NXPH2: variants seen among roughly 807,000 people sequenced by gnomAD.
NXPH2 encodes the protein neurexophilin-2.
NXPH2 carries 5 observed loss-of-function variants against 19.8 expected under a neutral mutation model. The ratio of observed to expected loss-of-function variants is 0.25; its 90% CI spans 0.13 to 0.53. The LOEUF is 0.53. NXPH2 is among the 20% of genes least tolerant of loss of function. The probability of loss-of-function intolerance (pLI) is 0.96; values close to 1 mark genes in which losing one functional copy is unlikely to be tolerated. For missense variants in NXPH2, 289 were observed against 322.8 expected, an observed-to-expected ratio of 0.90 and a Z score of 0.80; for synonymous variants, 154 against 127.4, an observed-to-expected ratio of 1.21 and a Z score of -1.41.
At chr2:138,771,954 G>T (rs1682184797) in intron 1 of NXPH2, among the ~76,000 whole-genome samples, 1 of 152,078 alleles carries the variant, frequency 6.6e-6, no homozygotes. Context: ...GAAAAAGAGA[G>T]CAAAAGCCAT....
chr2:138,673,419 C>T (rs76260974), intron 1 of NXPH2, among the ~76,000 whole-genome samples: 2,772 of 152,108 alleles, frequency 0.018, 34 homozygotes, highest in Non-Finnish European at 0.029. Flanking sequence ...TGGGGGTACA[C>T]GTGAGTATTT....
At chr2:138,695,154 G>A (rs1680811254) in intron 1 of NXPH2, among the ~76,000 whole-genome samples, 1 of 152,070 alleles carries the variant, frequency 6.6e-6, no homozygotes, top group African/African-American at 2.4e-5. Flanking sequence ...ATCATTGCCT[G>A]GTGAGAAAAA....
chr2:138,753,725 T>C (rs1681860465), intron 1 of NXPH2, among the ~76,000 whole-genome samples: 1 of 152,298 alleles, frequency 6.6e-6, no homozygotes. Flanking sequence ...CTCCCCTTGA[T>C]ATCTGTAAAT....
chr2:138,759,754 G>A (rs970316975), intron 1 of NXPH2, among the ~76,000 whole-genome samples: 28 of 146,394 alleles, frequency 1.9e-4, no homozygotes, highest in Non-Finnish European at 3.4e-4. Flanking sequence ...TTTTGAGACG[G>A]AGTCTTGCTC....
chr2:138,727,557 T>C (rs1681378543), intron 1 of NXPH2, among the ~76,000 whole-genome samples: 1 of 151,946 alleles, frequency 6.6e-6, no homozygotes, highest in African/African-American at 2.4e-5. Context: ...TGGTGAGGTG[T>C]CTGTTAAGGT....
chr2:138,761,394 G>A (rs1407904409), intron 1 of NXPH2, among the ~76,000 whole-genome samples: 1 of 152,114 alleles, frequency 6.6e-6, no homozygotes, highest in African/African-American at 2.4e-5. Context: ...CAATAGTCAG[G>A]GGCCAGGACA....
intron 1 of NXPH2, among the ~76,000 whole-genome samples, chr2:138,683,180 T>C (rs1680602791): frequency 6.6e-6 from 1 of 152,168 alleles, no homozygotes; most frequent in Non-Finnish European, 1.5e-5. Context: ...GATAATCTAG[T>C]AGACTGAAAT....
At chr2:138,751,902 A>G (rs895075368) in intron 1 of NXPH2, among the ~76,000 whole-genome samples, 1 of 152,182 alleles carries the variant, frequency 6.6e-6, no homozygotes. Flanking sequence ...GAAGTGCTCA[A>G]TACTGAACTG....
chr2:138,693,907 C>T (rs1235397802), intron 1 of NXPH2, among the ~76,000 whole-genome samples: 3 of 152,098 alleles, frequency 2.0e-5, no homozygotes, highest in Admixed American at 6.6e-5. Context: ...CTGAAAAATT[C>T]CTGGGCAATC....
At chr2:138,716,426 C>T (rs1392263653) in intron 1 of NXPH2, among the ~76,000 whole-genome samples, 6 of 152,126 alleles carry the variant, frequency 3.9e-5, no homozygotes, top group Admixed American at 2.0e-4. Flanking sequence ...ATTGAGAACA[C>T]GGCCATCTGC....
chr2:138,764,949 A>G (rs142847321), intron 1 of NXPH2, among the ~76,000 whole-genome samples: 3 of 152,332 alleles, frequency 2.0e-5, no homozygotes, highest in African/African-American at 7.2e-5. Context: ...AAGTATTAAC[A>G]AAACATGTTT....
At chr2:138,751,508 T>A (rs1381755704) in intron 1 of NXPH2, among the ~76,000 whole-genome samples, 1 of 152,176 alleles carries the variant, frequency 6.6e-6, no homozygotes, top group African/African-American at 2.4e-5. Flanking sequence ...TTTATTTCCA[T>A]ATTGGCTGTG....
intron 1 of NXPH2, among the ~76,000 whole-genome samples, chr2:138,711,858 T>C (rs896382196): frequency 6.6e-6 from 1 of 152,254 alleles, no homozygotes; most frequent in Non-Finnish European, 1.5e-5. Context: ...AGTGTTTCCA[T>C]GATCACTCTA....
At chr2:138,738,793 G>A (rs1158606297) in intron 1 of NXPH2, among the ~76,000 whole-genome samples, 1 of 152,200 alleles carries the variant, frequency 6.6e-6, no homozygotes, top group Non-Finnish European at 1.5e-5. Flanking sequence ...CAGAAAATAT[G>A]TTATCGCTCA....
At chr2:138,722,863 T>C (rs954667127) in intron 1 of NXPH2, among the ~76,000 whole-genome samples, 2 of 152,240 alleles carry the variant, frequency 1.3e-5, no homozygotes, top group Non-Finnish European at 2.9e-5. Context: ...CCACCTTCCT[T>C]TGAGGTTCTT....
chr2:138,714,195 T>C lies in NXPH2; in HGVS notation c.52-42530A>G, dbSNP rs180780126. On this transcript the variant is annotated intron_variant, in intron 1 of 1. Transcript: ENST00000272641. Reference sequence around the variant, plus strand: ...TTCTAACTCTGCTTCTCTCTTGCTGTAGGTATGTGCGTACATAGGGGCAGA... The same window carrying C: ...TTCTAACTCTGCTTCTCTCTTGCTGCAGGTATGTGCGTACATAGGGGCAGA... Among the ~76,000 whole-genome samples the C allele has an allele frequency of 3.7e-3, 570 of 152,284 alleles. 4 individuals are homozygous for C. The highest frequency in any genetic ancestry group is 0.013 in the African/African-American group (544 of 41,558).
At chr2:138,699,800 C>G (rs1257118342) in intron 1 of NXPH2, among the ~76,000 whole-genome samples, 1 of 152,176 alleles carries the variant, frequency 6.6e-6, no homozygotes, top group Non-Finnish European at 1.5e-5. Context: ...TGCGAAAACA[C>G]GTTCATGCGT....
At chr2:138,701,859 G>A (rs1680928459) in intron 1 of NXPH2, among the ~76,000 whole-genome samples, 1 of 152,112 alleles carries the variant, frequency 6.6e-6, no homozygotes, top group Non-Finnish European at 1.5e-5. Context: ...CGCTTTGGTA[G>A]GTGGGAAGAC....
At chr2:138,699,492 C>T (rs1030765051) in intron 1 of NXPH2, among the ~76,000 whole-genome samples, 8 of 152,098 alleles carry the variant, frequency 5.3e-5, no homozygotes, top group African/African-American at 1.4e-4. Flanking sequence ...AAGACATTTC[C>T]CTCTGGCTTC....
Sources: allele counts gnomAD v4.1 joint callset (sites outside exome capture counted in the v4.1 genomes callset), GRCh38; gene constraint gnomAD v4.1.1; transcripts MANE v1.5; gene names NCBI Gene and HGNC (gene_info 2026-07-23, HGNC 2026-07-21).